The following SOX6 variants were observed in gnomAD, a reference collection of about 807,000 sequenced individuals.
SOX6 encodes the protein transcription factor SOX-6.
SOX6 carries 11 observed loss-of-function variants against 97.8 expected under a neutral mutation model. The observed-to-expected ratio is 0.11, with a 90% CI of 0.07 to 0.19. The LOEUF (loss-of-function observed/expected upper bound fraction) is 0.19. Among genes scored for constraint, SOX6 ranks in the 10% least tolerant of loss-of-function variants. The pLI, the probability that SOX6 is intolerant of heterozygous loss-of-function variation, is 1.00. For synonymous variants in SOX6, 360 were observed against 371.4 expected (o/e 0.97, Z 0.35); for missense variants, 810 against 1,039.5 (o/e 0.78, Z 3.04).
intron 15 of SOX6, among the ~76,000 whole-genome samples, chr11:15,983,310 T>C (rs755883188): frequency 1.6e-4 from 25 of 152,074 alleles, no homozygotes; most frequent in Non-Finnish European, 3.2e-4. Flanking sequence ...AGGCAAGGGC[T>C]AACATTGCTC....
chr11:16,015,693 A>G (rs755228925), intron 12 of SOX6, among the ~76,000 whole-genome samples: 3 of 152,010 alleles, frequency 2.0e-5, no homozygotes, highest in Non-Finnish European at 4.4e-5. Flanking sequence ...TTACTTGTTC[A>G]CCAGTTCTTC....
intron 4 of SOX6, among the ~76,000 whole-genome samples, chr11:16,572,231 T>C (rs1847946686): frequency 2.0e-5 from 3 of 152,204 alleles, no homozygotes; most frequent in Admixed American, 2.0e-4. Context: ...ACATATTATT[T>C]ATTTACTTAA....
intron 3 of SOX6, among the ~76,000 whole-genome samples, chr11:16,685,951 C>A (rs1847966025): frequency 6.6e-6 from 1 of 152,274 alleles, no homozygotes; most frequent in African/African-American, 2.4e-5. Flanking sequence ...CCAAGGCCTA[C>A]AGCTCACATT....
chr11:16,684,022 C>G (rs1164016902), intron 3 of SOX6, among the ~76,000 whole-genome samples: 22 of 152,146 alleles, frequency 1.4e-4, no homozygotes, highest in African/African-American at 2.4e-5. Context: ...AAATGCAAAT[C>G]AAAACCACAA....
chr11:16,573,330 T>G (rs977175266), intron 4 of SOX6, among the ~76,000 whole-genome samples: 1 of 152,220 alleles, frequency 6.6e-6, no homozygotes, highest in Non-Finnish European at 1.5e-5. Context: ...TAAATTATAT[T>G]TTAATGTAAA....
At chr11:16,385,602 G>A (rs939949976) in intron 1 of SOX6, among the ~76,000 whole-genome samples, 1 of 152,000 alleles carries the variant, frequency 6.6e-6, no homozygotes, top group Non-Finnish European at 1.5e-5. Flanking sequence ...TTATTATTAT[G>A]TTGGGAGCAT....
At chr11:16,132,872 A>G (rs1564973185) in intron 6 of SOX6, among the ~76,000 whole-genome samples, 1 of 152,196 alleles carries the variant, frequency 6.6e-6, no homozygotes, top group South Asian at 2.1e-4. Context: ...TCAGAATGGC[A>G]TAACACTAGC....
At chr11:16,382,136 G>T (rs1306172703) in intron 1 of SOX6, among the ~76,000 whole-genome samples, 1 of 151,824 alleles carries the variant, frequency 6.6e-6, no homozygotes, top group Admixed American at 6.6e-5. Context: ...ATTATTAAAG[G>T]TTCTCTGGAT....
chr11:16,493,287 A>G (rs924965877), intron 4 of SOX6, among the ~76,000 whole-genome samples: 2 of 152,238 alleles, frequency 1.3e-5, no homozygotes, highest in African/African-American at 4.8e-5. Context: ...CGAAATAACA[A>G]AAATGTATCT....
intron 3 of SOX6, among the ~76,000 whole-genome samples, chr11:16,288,275 GA>G (rs993679712): frequency 1.3e-5 from 2 of 151,702 alleles, no homozygotes; most frequent in African/African-American, 4.9e-5. Context: ...CAATATATTT[GA>G]GTTTATAGTT....
chr11:16,372,989 T>C (rs1857531810), intron 1 of SOX6, among the ~76,000 whole-genome samples: 2 of 152,156 alleles, frequency 1.3e-5, no homozygotes, highest in African/African-American at 4.8e-5. Context: ...ATACATATGA[T>C]ATAACCATTT....
chr11:16,171,738 T>C (rs1851044740), intron 6 of SOX6, among the ~76,000 whole-genome samples: 1 of 151,846 alleles, frequency 6.6e-6, no homozygotes, highest in Admixed American at 6.6e-5. Flanking sequence ...ATGGTTCTGT[T>C]TTGGATTCAT....
intron 1 of SOX6, among the ~76,000 whole-genome samples, chr11:16,395,812 G>A (rs529538450): frequency 2.6e-5 from 4 of 151,818 alleles, no homozygotes; most frequent in African/African-American, 7.2e-5. Flanking sequence ...CTAGCATGAC[G>A]ACAGGGAGAT....
intron 3 of SOX6, among the ~76,000 whole-genome samples, chr11:16,286,163 G>A (rs1854735792): frequency 6.6e-6 from 1 of 152,100 alleles, no homozygotes; most frequent in South Asian, 2.1e-4. Context: ...TCGAATAAGA[G>A]AATGTCTTTT....
intron 3 of SOX6, among the ~76,000 whole-genome samples, chr11:16,647,692 T>C (rs921562659): frequency 5.3e-5 from 8 of 152,174 alleles, no homozygotes; most frequent in African/African-American, 1.9e-4. Context: ...GTTCCCAAAG[T>C]GTGAGACAGG....
intron 11 of SOX6, among the ~76,000 whole-genome samples, chr11:16,048,428 A>G (rs1847596346): frequency 6.6e-6 from 1 of 152,200 alleles, no homozygotes; most frequent in Admixed American, 6.5e-5. Flanking sequence ...TAGACTCAGC[A>G]CAATTTAGCA....
At chr11:16,597,070 T>C (rs534487033) in intron 4 of SOX6, among the ~76,000 whole-genome samples, 7 of 152,206 alleles carry the variant, frequency 4.6e-5, no homozygotes, top group African/African-American at 1.7e-4. Flanking sequence ...CAAAACCCAA[T>C]TGAAACATTG....
At chr11:16,590,593 C>G (rs973529599) in intron 4 of SOX6, among the ~76,000 whole-genome samples, 1 of 152,016 alleles carries the variant, frequency 6.6e-6, no homozygotes, top group Admixed American at 6.6e-5. Flanking sequence ...GGTACATATT[C>G]ACAATGGAGT....
At chr11:15,986,088 A>G (rs1853827985) in intron 15 of SOX6, 116 bp downstream of exon 15, 3 of 968,618 alleles carry the variant, frequency 3.1e-6, no homozygotes, top group African/African-American at 3.2e-5. Context: ...AAGCCCCTTC[A>G]GTATGCCACA....
Sources: allele counts gnomAD v4.1 joint callset (sites outside exome capture counted in the v4.1 genomes callset), GRCh38; gene constraint gnomAD v4.1.1; transcripts MANE v1.5; gene names NCBI Gene and HGNC (gene_info 2026-07-23, HGNC 2026-07-21).